Variants in CLSTN2 observed in about 807,000 individuals in gnomAD.
The protein encoded by CLSTN2 is calsyntenin-2.
CLSTN2 carries 48 observed loss-of-function variants against 101.2 expected under a neutral mutation model. The ratio of observed to expected loss-of-function variants is 0.47; its 90% confidence interval spans 0.38 to 0.60. The LOEUF (loss-of-function observed/expected upper bound fraction) is 0.60. Ranked by LOEUF, CLSTN2 falls within the 20% of genes least tolerant of loss-of-function variation. The pLI is 0.00. For synonymous variants in CLSTN2, 481 were observed against 463.6 expected, an observed-to-expected ratio of 1.04 and a Z score of -0.48; for missense variants, 1,160 against 1,238.2, an observed-to-expected ratio of 0.94 and a Z score of 0.95.
In CLSTN2 at chr3:140,403,832, G is replaced by A; in HGVS notation, c.428+8G>A. On this transcript the variant is annotated splice_region_variant and intron_variant, in intron 3 of 16. Transcript: ENST00000458420. ...CTGGAAAAAGTCACACAAGTGAGTGGCCTGACAGAGCCCTCTGGACGCCCC... is the reference window on the plus strand; with the variant it reads ...CTGGAAAAAGTCACACAAGTGAGTGACCTGACAGAGCCCTCTGGACGCCCC... 6.2e-6 allele frequency: 10 copies of A among 1,601,636 alleles called. No homozygotes were observed. The highest frequency in any genetic ancestry group is 8.5e-6 in the Non-Finnish European group (10 of 1,172,444).
intron 1 of CLSTN2, among the ~76,000 whole-genome samples, chr3:140,058,102 T>G (rs1322634034): frequency 6.6e-6 from 1 of 152,016 alleles, no homozygotes; most frequent in Non-Finnish European, 1.5e-5. Context: ...AAAAAAAAAT[T>G]TCAAAAACTA....
intron 2 of CLSTN2, among the ~76,000 whole-genome samples, chr3:140,253,323 G>A (rs771575649): frequency 6.6e-6 from 1 of 152,182 alleles, no homozygotes; most frequent in African/African-American, 2.4e-5. Context: ...TGGCTCCGAA[G>A]GTGGACCACA....
chr3:140,277,622 C>T (rs373004402), intron 2 of CLSTN2, among the ~76,000 whole-genome samples: 4 of 152,086 alleles, frequency 2.6e-5, no homozygotes, highest in Admixed American at 6.6e-5. Flanking sequence ...ATTATACCAA[C>T]GATTAATTTT....
chr3:140,237,582 T>G (rs910143761), intron 2 of CLSTN2, among the ~76,000 whole-genome samples: 4 of 152,180 alleles, frequency 2.6e-5, no homozygotes, highest in African/African-American at 9.6e-5. Flanking sequence ...GCAGGGAAAC[T>G]GCTAAGCTCT....
intron 1 of CLSTN2, among the ~76,000 whole-genome samples, chr3:139,966,331 C>T (rs1429430832): frequency 6.6e-6 from 1 of 152,170 alleles, no homozygotes; most frequent in Non-Finnish European, 1.5e-5. Context: ...ATAATTAAAG[C>T]TCCTTAATAT....
intron 1 of CLSTN2, among the ~76,000 whole-genome samples, chr3:140,131,258 C>G (rs1211334134): frequency 6.6e-6 from 1 of 151,104 alleles, no homozygotes; most frequent in African/African-American, 2.4e-5. Context: ...AAAATTCTTT[C>G]AAATCCAAAA....
At chr3:140,252,290 A>G (rs1321723373) in intron 2 of CLSTN2, among the ~76,000 whole-genome samples, 1 of 152,186 alleles carries the variant, frequency 6.6e-6, no homozygotes, top group African/African-American at 2.4e-5. Context: ...CTCAAGGCTT[A>G]CATTCCAATC....
chr3:140,505,673 T>A (rs921879888), intron 8 of CLSTN2: 1 of 152,230 alleles, frequency 6.6e-6, no homozygotes, highest in Non-Finnish European at 1.5e-5. Context: ...ATATGTCAAC[T>A]AAATTATAAT....
Position 140,573,621 on chromosome 3 carries a change from C to T in CLSTN2, c.*7368C>T, listed in dbSNP as rs1316428555. 5 of 152,200 alleles carry T rather than the reference C, an allele frequency of 3.3e-5. No individual in the cohort carries two copies. Among genetic ancestry groups the T allele is most frequent in the Admixed American group, 2.6e-4 (4 of 15,284 alleles). 9.4% of individuals were successfully genotyped at this position (152,200 alleles called of 1,614,324 possible). ...CTCCTCCTACGAGGTACAGTCTCCT[C>T]ATACAAGGGGTTTTGAGATGGAGAG... On this transcript the variant is annotated 3_prime_UTR_variant, in exon 17 of 17. Transcript: ENST00000458420.
chr3:140,323,380 T>C (rs1032794048), intron 2 of CLSTN2, among the ~76,000 whole-genome samples: 1 of 152,192 alleles, frequency 6.6e-6, no homozygotes, highest in African/African-American at 2.4e-5. Flanking sequence ...GAAGATAAAA[T>C]AAGTTAGTAT....
At chr3:140,105,272 G>A (rs2009036966) in intron 1 of CLSTN2, among the ~76,000 whole-genome samples, 1 of 152,154 alleles carries the variant, frequency 6.6e-6, no homozygotes, top group Admixed American at 6.5e-5. Flanking sequence ...ACTATGCTTA[G>A]GACAGACTCT....
At chr3:140,453,444 AATTT>A (rs1233193729) in intron 6 of CLSTN2, among the ~76,000 whole-genome samples, 1 of 152,214 alleles carries the variant, frequency 6.6e-6, no homozygotes, top group Non-Finnish European at 1.5e-5. Flanking sequence ...CTCCTGCACA[AATTT>A]ATTAATTCAA....
chr3:140,359,368 A>T (rs568311343), intron 2 of CLSTN2, among the ~76,000 whole-genome samples: 4 of 152,220 alleles, frequency 2.6e-5, no homozygotes, highest in Non-Finnish European at 5.9e-5. Flanking sequence ...TCTATGCTTA[A>T]CTAGCTCTTC....
rs1034624284 is a variant in CLSTN2, at chr3:140,285,669, G to T, written c.232+109596G>T. ...TCTAATTCATTGGGTCTGTGGTGGAGCCTGAATATTTGCATTTCTAACAAG... is the reference window on the plus strand; with the variant it reads ...TCTAATTCATTGGGTCTGTGGTGGATCCTGAATATTTGCATTTCTAACAAG... On this transcript the variant is annotated intron_variant, in intron 2 of 16. Transcript: ENST00000458420. Among the ~76,000 whole-genome samples, 9 of 152,332 alleles carry T rather than the reference G, an allele frequency of 5.9e-5. No homozygotes were observed. The East Asian group carries it at 1.7e-3, about 29-fold the overall frequency.
intron 8 of CLSTN2, among the ~76,000 whole-genome samples, chr3:140,516,233 T>C (rs1439652194): frequency 6.6e-6 from 1 of 152,156 alleles, no homozygotes; most frequent in East Asian, 1.9e-4. Context: ...CCTTATGTGT[T>C]ATGTGAGTTC....
chr3:140,222,883 A>AAAC (rs1553723398), intron 2 of CLSTN2, among the ~76,000 whole-genome samples: 1 of 151,492 alleles, frequency 6.6e-6, no homozygotes, highest in East Asian at 1.9e-4. Context: ...AGAAAAAAAA[A>AAAC]AAAAACACTG....
chr3:140,391,960 T>C (rs1293467422), intron 2 of CLSTN2, among the ~76,000 whole-genome samples: 2 of 152,120 alleles, frequency 1.3e-5, no homozygotes, highest in Non-Finnish European at 2.9e-5. Context: ...GAATTAACCA[T>C]CTAAAGAAGG....
intron 1 of CLSTN2, among the ~76,000 whole-genome samples, chr3:139,987,172 T>C (rs1371602602): frequency 1.3e-5 from 2 of 152,212 alleles, no homozygotes; most frequent in Admixed American, 6.5e-5. Flanking sequence ...TTTTCCTTTC[T>C]GCTCATATAA....
At chr3:140,463,895 A>C (rs1045087387) in intron 7 of CLSTN2, among the ~76,000 whole-genome samples, 1 of 152,204 alleles carries the variant, frequency 6.6e-6, no homozygotes, top group African/African-American at 2.4e-5. Flanking sequence ...TCCTGAGAGA[A>C]GGGAGAAGCT....
Sources: gnomAD v4.1 joint callset for allele counts (sites outside exome capture counted in the v4.1 genomes callset) on GRCh38, gnomAD v4.1.1 for gene constraint, MANE v1.5 for transcripts, NCBI Gene and HGNC (gene_info 2026-07-23, HGNC 2026-07-21) for gene names.